The following ODF2 variants were observed in gnomAD, a reference collection of about 807,000 sequenced individuals.
ODF2 encodes the protein outer dense fiber protein 2.
Under a neutral mutation model 110.2 loss-of-function variants are expected in ODF2, and 47 were observed. The ratio of observed to expected loss-of-function variants is 0.43; its 90% confidence interval spans 0.34 to 0.54. The LOEUF is 0.54. Ranked by LOEUF, ODF2 falls within the 20% of genes least tolerant of loss-of-function variation. The pLI is 0.03. For missense variants in ODF2, 812 were observed against 1,054.5 expected (o/e 0.77, Z 3.19); for synonymous variants, 352 against 397.7 (o/e 0.89, Z 1.37).
intron 9 of ODF2, 73 bp downstream of exon 9, chr9:128,481,724 G>GGCT: frequency 8.0e-7 from 1 of 1,256,320 alleles, no homozygotes; most frequent in Non-Finnish European, 1.1e-6. Context: ...AAAGTGTAGA[G>GGCT]GTGCTTGGAT....
intron 14 of ODF2, among the ~76,000 whole-genome samples, chr9:128,490,074 G>A (rs1286432520): frequency 6.6e-6 from 1 of 152,120 alleles, no homozygotes; most frequent in Admixed American, 6.6e-5. Context: ...GCCAGCCATG[G>A]TGGCTCACAC....
rs139108213 is a variant in ODF2 at position 128,457,372 on chromosome 9, C to A, written c.-34C>A. 1,192 of 1,612,734 alleles carry A rather than the reference C, an allele frequency of 7.4e-4. 4 individuals carry two copies. The highest frequency in any genetic ancestry group is 7.4e-4 in the Non-Finnish European group (867 of 1,179,416). On this transcript the variant is annotated 5_prime_UTR_variant, in exon 2 of 21. Transcript: ENST00000604420. ...TCCCCCTGAGCAGAGCCTGCTGACC[C>A]AATTGCCCACCTTTGCGGCTTTGAT... is the stretch of plus-strand genomic sequence containing the variant.
At chr9:128,460,180 TC>T (rs1836044692) in intron 3 of ODF2, 1 of 1,300,964 alleles carries the variant, frequency 7.7e-7, no homozygotes, top group South Asian at 1.2e-5. Context: ...TGTAGAAGGA[TC>T]CGCCTGCTTT....
chr9:128,483,202 C>T (rs1842754247), intron 10 of ODF2, among the ~76,000 whole-genome samples: 2 of 152,024 alleles, frequency 1.3e-5, no homozygotes, highest in Non-Finnish European at 2.9e-5. Context: ...CGCAGTTGTG[C>T]ATTTTTATGA....
exon 1 of ODF2, chr9:128,456,170 C>T (rs1281855688): frequency 3.2e-6 from 5 of 1,549,364 alleles, no homozygotes; most frequent in African/African-American, 1.4e-5. Context: ...ACTGCATCCG[C>T]CGCGGCGTCT....
At chr9:128,458,477 A>G (rs1835532392) in intron 2 of ODF2, among the ~76,000 whole-genome samples, 1 of 151,830 alleles carries the variant, frequency 6.6e-6, no homozygotes, top group Admixed American at 6.6e-5. Flanking sequence ...AAAAAAAAAA[A>G]AAAAGGCCAG....
chr9:128,473,645 G>A (rs768956702), exon 8 of ODF2: 1 of 1,613,618 alleles, frequency 6.2e-7, no homozygotes, highest in East Asian at 2.2e-5. Context: ...TCAACACCCT[G>A]ACAAGGCAGA....
At position 128,498,396 on chromosome 9, in the gene ODF2, T is replaced by G; in HGVS notation, c.2013-17T>G. ...GGTTGGGGTATGCCCAGGATCTGAT[T>G]GAGTGCTTTCACCTAGGAAACTGGA... On this transcript the variant is annotated splice_polypyrimidine_tract_variant and intron_variant, in intron 18 of 20. Coordinates refer to ENST00000604420, the Ensembl canonical transcript of ODF2. 1.3e-6 allele frequency: 2 copies of G among 1,562,626 alleles called. No homozygotes were observed. The highest frequency in any genetic ancestry group is 1.8e-4 in the Middle Eastern group (1 of 5,536).
chr9:128,475,796 C>T (rs1235774385), intron 8 of ODF2, among the ~76,000 whole-genome samples: 1 of 151,988 alleles, frequency 6.6e-6, no homozygotes, highest in Non-Finnish European at 1.5e-5. Flanking sequence ...CAAGCGTGCA[C>T]CACCATGCCC....
rs372920608 is a variant in ODF2, at chr9:128,482,802, G to A, written c.916-14G>A. ...CCTTCCCAGGGGCACCTGACAGCCT[G>A]TGTTCTCTCCCAGCGCCTGCTGTTA... On this transcript the variant is annotated splice_polypyrimidine_tract_variant and intron_variant, in intron 9 of 20. Transcript: ENST00000604420. The A allele has an allele frequency of 8.5e-5, 137 of 1,611,646 alleles. 2 individuals carry two copies. In the South Asian group the frequency reaches 1.4e-3, roughly 17 times the overall value.
intron 8 of ODF2, among the ~76,000 whole-genome samples, chr9:128,474,853 A>G (rs1254929986): frequency 6.8e-6 from 1 of 147,372 alleles, no homozygotes; most frequent in Non-Finnish European, 1.5e-5. Context: ...AATCCCAGCT[A>G]CTCAGGAGGC....
At chr9:128,487,869 T>G in intron 13 of ODF2, 21 bp from the exon 14 acceptor site, 1 of 1,613,272 alleles carries the variant, frequency 6.2e-7, no homozygotes, top group Non-Finnish European at 8.5e-7. Context: ...CTCTGTCTGC[T>G]TTCACTTTGT....
intron 3 of ODF2, 131 bp downstream of exon 3, chr9:128,460,797 A>G: frequency 6.6e-7 from 1 of 1,513,562 alleles, no homozygotes. Context: ...TTTCCTGGTT[A>G]GAAGGTAGGC....
intron 4 of ODF2, among the ~76,000 whole-genome samples, chr9:128,466,472 A>G (rs1201859294): frequency 2.0e-5 from 3 of 151,402 alleles, no homozygotes; most frequent in African/African-American, 7.3e-5. Flanking sequence ...ATCTCAAAAA[A>G]AAAAAAAATG....
At chr9:128,472,773 G>A (rs1417369301) in intron 6 of ODF2, 140 bp from the exon 7 acceptor site, 28 of 1,336,442 alleles carry the variant, frequency 2.1e-5, no homozygotes, top group South Asian at 2.8e-5. Context: ...AGGCCACCCA[G>A]GCCAGAAGGG....
chr9:128,462,107 A>G (rs988833433), intron 4 of ODF2, among the ~76,000 whole-genome samples: 2 of 152,054 alleles, frequency 1.3e-5, no homozygotes, highest in African/African-American at 4.8e-5. Context: ...AAAAATGACA[A>G]CTATCTCCTG....
At chr9:128,486,509 GT>G (rs1285174281) in intron 13 of ODF2, among the ~76,000 whole-genome samples, 2 of 152,238 alleles carry the variant, frequency 1.3e-5, no homozygotes, top group African/African-American at 4.8e-5. Context: ...GTGGTGGACT[GT>G]AATTGGTCAA....
chr9:128,480,178 A>G (rs549774743), intron 8 of ODF2, among the ~76,000 whole-genome samples: 6 of 152,338 alleles, frequency 3.9e-5, no homozygotes, highest in African/African-American at 7.2e-5. Flanking sequence ...CATATATTTT[A>G]CCACAATTTT....
chr9:128,496,012 T>G (rs1420148830), intron 17 of ODF2, 29 bp from the exon 18 acceptor site: 7 of 1,612,588 alleles, frequency 4.3e-6, no homozygotes, highest in Non-Finnish European at 5.9e-6. Context: ...AATTCCTTTG[T>G]AAACCAGTCT....
Sources: allele counts gnomAD v4.1 joint callset (sites outside exome capture counted in the v4.1 genomes callset), GRCh38; gene constraint gnomAD v4.1.1; transcripts MANE v1.5; gene names NCBI Gene and HGNC (gene_info 2026-07-23, HGNC 2026-07-21).